The following PALM2AKAP2 variants were observed in gnomAD, a reference collection of about 807,000 sequenced individuals.
PALM2AKAP2 encodes PALM2-AKAP2 fusion protein.
Under a neutral mutation model 71.5 loss-of-function variants are expected in PALM2AKAP2, and 37 were observed. That is an observed-to-expected ratio of 0.52 (90% CI 0.40 to 0.68). The LOEUF is 0.68. PALM2AKAP2 is among the 30% of genes least tolerant of loss of function. The pLI is 0.00. For missense variants in PALM2AKAP2, 1,224 were observed against 1,191.8 expected (o/e 1.03, Z -0.40); for synonymous variants, 468 against 478.8 (o/e 0.98, Z 0.29).
chr9:110,051,603 G>T (rs1454899827), intron 1 of PALM2AKAP2, among the ~76,000 whole-genome samples: 2 of 152,212 alleles, frequency 1.3e-5, no homozygotes, highest in Non-Finnish European at 2.9e-5. Flanking sequence ...GAATTTGGAT[G>T]GAGGTTGTGT....
chr9:110,003,127 G>T (rs1287093604), intron 6 of PALM2AKAP2, among the ~76,000 whole-genome samples: 1 of 152,088 alleles, frequency 6.6e-6, no homozygotes, highest in East Asian at 1.9e-4. Flanking sequence ...TGATGTTAGG[G>T]TGTCAATTTT....
intron 1 of PALM2AKAP2, among the ~76,000 whole-genome samples, chr9:109,846,256 C>A (rs983854303): frequency 3.9e-5 from 6 of 152,130 alleles, no homozygotes; most frequent in Admixed American, 3.9e-4. Flanking sequence ...GGGAAAGAAG[C>A]TCATGGCACC....
intron 1 of PALM2AKAP2, among the ~76,000 whole-genome samples, chr9:109,811,868 C>T (rs1225933194): frequency 6.6e-6 from 1 of 152,232 alleles, no homozygotes; most frequent in African/African-American, 2.4e-5. Context: ...CCACTGTACC[C>T]AGGTATATTG....
At chr9:109,954,016 G>A (rs1831697968) in intron 6 of PALM2AKAP2, among the ~76,000 whole-genome samples, 1 of 152,120 alleles carries the variant, frequency 6.6e-6, no homozygotes, top group South Asian at 2.1e-4. Flanking sequence ...TGGAGGCTGG[G>A]AGGCATCTCT....
At position 110,025,850 on chromosome 9, in the gene PALM2AKAP2, T is replaced by C. The variant is rs569555270; in HGVS notation, c.582+9811T>C. ...TGTATGCAGTTAATTTTTAATGGCT[T>C]GATTTCCTTTTTTGCCATAGTTTGT... On this transcript the variant is annotated intron_variant, in intron 7 of 9. Transcript: ENST00000302798. 1.2e-4 allele frequency among the ~76,000 whole-genome samples: 19 copies of C among 152,326 alleles called. 1 individual carries two copies. In the East Asian group the frequency reaches 3.7e-3, roughly 29 times the overall value.
intron 6 of PALM2AKAP2, among the ~76,000 whole-genome samples, chr9:109,999,146 C>G (rs1230475641): frequency 6.6e-6 from 1 of 152,064 alleles, no homozygotes; most frequent in East Asian, 1.9e-4. Flanking sequence ...TGAGACCAGC[C>G]TGGCCAACAA....
chr9:109,931,930 CAGT>C, exon 6 of PALM2AKAP2: 1 of 1,613,874 alleles, frequency 6.2e-7, no homozygotes, highest in Non-Finnish European at 8.5e-7. Context: ...CTACCAGATG[CAGT>C]AAATTACATT....
chr9:110,161,315 A>C (rs2119250557), intron 3 of PALM2AKAP2, among the ~76,000 whole-genome samples: 1 of 152,358 alleles, frequency 6.6e-6, no homozygotes, highest in Non-Finnish European at 1.5e-5. Context: ...TGCCCCAAGC[A>C]GTGTAAATGT....
chr9:109,761,925 CAT>C lies in PALM2AKAP2; in HGVS notation c.6-18560_6-18559del, dbSNP rs202240838. Among the ~76,000 whole-genome samples, 680 of 152,174 alleles carry C rather than the reference CAT, an allele frequency of 4.5e-3. 9 individuals are homozygous for C. The highest frequency in any genetic ancestry group is 0.015 in the African/African-American group (633 of 41,518). Reference sequence around the variant, plus strand: ...AGAAGACATTTATGCTGTCAACAAACATATGAAAAAAAGCTCATCATCACTGG... The same window carrying C: ...AGAAGACATTTATGCTGTCAACAAACATGAAAAAAAGCTCATCATCACTGG... On this transcript the variant is annotated intron_variant, in intron 1 of 6. Transcript: ENST00000374531.
At chr9:110,084,227 G>A (rs1051351190) in intron 1 of PALM2AKAP2, among the ~76,000 whole-genome samples, 1 of 152,126 alleles carries the variant, frequency 6.6e-6, no homozygotes, top group East Asian at 1.9e-4. Flanking sequence ...AAGATGTTCA[G>A]GAAAGGAAAA....
chr9:109,646,779 G>A (rs1827162294), intron 1 of PALM2AKAP2, among the ~76,000 whole-genome samples: 1 of 152,188 alleles, frequency 6.6e-6, no homozygotes, highest in Non-Finnish European at 1.5e-5. Context: ...TTACGGCTTA[G>A]TCTATGTGTG....
At chr9:109,867,604 A>G in intron 2 of PALM2AKAP2, 33 bp downstream of exon 2, 1 of 1,602,042 alleles carries the variant, frequency 6.2e-7, no homozygotes, top group Non-Finnish European at 8.5e-7. Flanking sequence ...CTATTCCATT[A>G]TTAGACATGC....
At position 109,968,709 on chromosome 9, in the gene PALM2AKAP2, G is replaced by A. The variant is rs112894624; in HGVS notation, c.496+36681G>A. On this transcript the variant is annotated intron_variant, in intron 6 of 9. Coordinates refer to the PALM2AKAP2 transcript ENST00000302798. Reference sequence around the variant, plus strand: ...TGTGAAATCAATGCACAGGAATTGTGGGGGGAAGCCCTAAGGAGTCCAGCC... The same window carrying A: ...TGTGAAATCAATGCACAGGAATTGTAGGGGGAAGCCCTAAGGAGTCCAGCC... 2.4e-3 allele frequency among the ~76,000 whole-genome samples: 368 copies of A among 152,274 alleles called. 1 individual carries two copies. Among genetic ancestry groups the A allele is most frequent in the African/African-American group, 8.3e-3 (343 of 41,558 alleles).
intron 1 of PALM2AKAP2, among the ~76,000 whole-genome samples, chr9:110,096,273 TG>T (rs1158955641): frequency 6.6e-6 from 1 of 152,188 alleles, no homozygotes; most frequent in Admixed American, 6.5e-5. Context: ...TTTTGATTTT[TG>T]TCTTTATAAG....
intron 1 of PALM2AKAP2, among the ~76,000 whole-genome samples, chr9:109,821,574 A>C (rs1828007113): frequency 6.6e-6 from 1 of 152,174 alleles, no homozygotes; most frequent in South Asian, 2.1e-4. Flanking sequence ...AAGTGGTGGG[A>C]ATATAGTGGT....
intron 1 of PALM2AKAP2, among the ~76,000 whole-genome samples, chr9:110,058,251 TA>T (rs1286121036): frequency 6.6e-6 from 1 of 152,222 alleles, no homozygotes; most frequent in Non-Finnish European, 1.5e-5. Context: ...GGAATATTTT[TA>T]TTGGGACTTG....
intron 7 of PALM2AKAP2, among the ~76,000 whole-genome samples, chr9:110,043,236 AGGGG>A (rs945766175): frequency 3.3e-5 from 5 of 152,202 alleles, no homozygotes; most frequent in African/African-American, 1.2e-4. Context: ...TCAGAAGTAT[AGGGG>A]GTTACAAGAA....
chr9:109,849,126 T>A (rs1828940427), intron 1 of PALM2AKAP2, among the ~76,000 whole-genome samples: 1 of 149,254 alleles, frequency 6.7e-6, no homozygotes, highest in African/African-American at 2.5e-5. Flanking sequence ...GGGAGGGGGG[T>A]CACTCAGAGA....
intron 6 of PALM2AKAP2, among the ~76,000 whole-genome samples, chr9:109,947,886 C>T (rs1322048025): frequency 6.6e-6 from 1 of 152,230 alleles, no homozygotes; most frequent in Non-Finnish European, 1.5e-5. Context: ...TTCATAAATA[C>T]ACGATCTTTC....
Sources: allele counts gnomAD v4.1 joint callset (sites outside exome capture counted in the v4.1 genomes callset), GRCh38; gene constraint gnomAD v4.1.1; transcripts MANE v1.5; gene names NCBI Gene and HGNC (gene_info 2026-07-23, HGNC 2026-07-21).